The following GRIP1 variants were observed in gnomAD, a reference collection of about 807,000 sequenced individuals.
The protein encoded by GRIP1 is glutamate receptor interacting protein 1.
In GRIP1, 45 loss-of-function variants were observed where a neutral mutation model predicts 129.9. The ratio of observed to expected loss-of-function variants is 0.35; its 90% confidence interval spans 0.27 to 0.44. The LOEUF (loss-of-function observed/expected upper bound fraction) is 0.44. Ranked by LOEUF, GRIP1 falls within the 20% of genes least tolerant of loss-of-function variation. GRIP1 has a pLI of 1.00. For missense variants in GRIP1, 1,196 were observed against 1,396.8 expected, an observed-to-expected ratio of 0.86 and a Z score of 2.29; for synonymous variants, 530 against 520.8, an observed-to-expected ratio of 1.02 and a Z score of -0.24.
chr12:67,050,891 G>A (rs184474525), intron 1 of GRIP1, among the ~76,000 whole-genome samples: 97 of 152,250 alleles, frequency 6.4e-4, no homozygotes, highest in African/African-American at 2.3e-3. Flanking sequence ...AGTTTTCACA[G>A]AACCTAAGGT....
At chr12:66,775,909 T>A (rs2037963943) in intron 1 of GRIP1, among the ~76,000 whole-genome samples, 1 of 152,140 alleles carries the variant, frequency 6.6e-6, no homozygotes, top group Non-Finnish European at 1.5e-5. Context: ...TCAAAACGCT[T>A]AATATGCTTA....
chr12:66,507,294 C>T (rs192720369), intron 7 of GRIP1, among the ~76,000 whole-genome samples: 2 of 151,946 alleles, frequency 1.3e-5, no homozygotes, highest in African/African-American at 2.4e-5. Context: ...AAAAATTAGC[C>T]GGGCATGGTA....
intron 1 of GRIP1, among the ~76,000 whole-genome samples, chr12:66,648,245 T>C (rs939559993): frequency 2.6e-5 from 4 of 152,174 alleles, no homozygotes; most frequent in African/African-American, 9.7e-5. Context: ...CCTGGCCATA[T>C]AGATTGTTAA....
chr12:66,500,042 T>C (rs576101423), intron 7 of GRIP1, among the ~76,000 whole-genome samples: 1 of 152,132 alleles, frequency 6.6e-6, no homozygotes, highest in Admixed American at 6.6e-5. Context: ...AGGAACAATT[T>C]TGAAAGGCTG....
intron 2 of GRIP1, among the ~76,000 whole-genome samples, chr12:66,548,541 T>C (rs1263518228): frequency 6.6e-6 from 1 of 152,122 alleles, no homozygotes; most frequent in Non-Finnish European, 1.5e-5. Flanking sequence ...GAGGGACAGG[T>C]ACTGACTATG....
At chr12:66,827,423 A>G (rs1050179699) in intron 1 of GRIP1, among the ~76,000 whole-genome samples, 2 of 150,430 alleles carry the variant, frequency 1.3e-5, no homozygotes, top group East Asian at 3.9e-4. Flanking sequence ...AGAGCGCACA[A>G]GACAGCGAGA....
chr12:66,676,460 T>A (rs1369695965), intron 1 of GRIP1, among the ~76,000 whole-genome samples: 1 of 152,114 alleles, frequency 6.6e-6, no homozygotes, highest in Non-Finnish European at 1.5e-5. Flanking sequence ...TGGGTAAGGT[T>A]TTAGCCACAA....
At chr12:67,034,370 G>C (rs1288849989) in intron 1 of GRIP1, among the ~76,000 whole-genome samples, 1 of 152,142 alleles carries the variant, frequency 6.6e-6, no homozygotes, top group Non-Finnish European at 1.5e-5. Context: ...ATGCATTGTT[G>C]TGCAAACATC....
intron 1 of GRIP1, among the ~76,000 whole-genome samples, chr12:66,672,356 G>T (rs149193631): frequency 9.2e-5 from 14 of 152,194 alleles, no homozygotes; most frequent in Middle Eastern, 6.8e-3. Flanking sequence ...CCTGAATTTA[G>T]GTGGTCATCA....
At chr12:66,828,742 C>T (rs1015157554) in intron 1 of GRIP1, among the ~76,000 whole-genome samples, 4 of 152,172 alleles carry the variant, frequency 2.6e-5, no homozygotes, top group African/African-American at 9.7e-5. Flanking sequence ...TTCTGAGAGT[C>T]GCACTATACT....
At chr12:66,666,721 A>AT (rs1258688850) in intron 1 of GRIP1, among the ~76,000 whole-genome samples, 1 of 151,874 alleles carries the variant, frequency 6.6e-6, no homozygotes, top group Non-Finnish European at 1.5e-5. Flanking sequence ...TTCTATATAC[A>AT]TTTTTGCTTA....
rs111402190 is a variant in GRIP1, at chr12:66,915,633, C to T, written c.58+153417G>A. Among the ~76,000 whole-genome samples, 479 of 152,312 alleles carry T rather than the reference C, an allele frequency of 3.1e-3. 1 individual carries two copies. The highest frequency in any genetic ancestry group is 0.011 in the African/African-American group (457 of 41,576). On this transcript the variant is annotated intron_variant, in intron 1 of 1. Transcript: ENST00000643019. ...TGGCACAGATCTCCTAACTGTGTAG[C>T]TTTTGCATGTGAGGCTATCTGTTGA... is the stretch of plus-strand genomic sequence containing the variant.
upstream of GRIP1, among the ~76,000 whole-genome samples, chr12:66,804,867 G>A (rs1288877324): frequency 2.0e-5 from 3 of 152,192 alleles, no homozygotes; most frequent in Non-Finnish European, 4.4e-5. Flanking sequence ...CATATGCACA[G>A]CCCTCTTGCT....
chr12:66,607,835 C>A (rs1408955060), intron 1 of GRIP1, among the ~76,000 whole-genome samples: 1 of 152,136 alleles, frequency 6.6e-6, no homozygotes, highest in East Asian at 1.9e-4. Context: ...AACCCACTAG[C>A]CATTATTTCC....
intron 1 of GRIP1, among the ~76,000 whole-genome samples, chr12:66,636,514 T>C (rs529125035): frequency 3.1e-4 from 47 of 152,188 alleles, no homozygotes; most frequent in Non-Finnish European, 5.9e-4. Context: ...TGTTAATTGC[T>C]ATGGAATGAA....
At chr12:66,908,628 T>C (rs2040976642) in intron 1 of GRIP1, among the ~76,000 whole-genome samples, 1 of 152,146 alleles carries the variant, frequency 6.6e-6, no homozygotes, top group Admixed American at 6.5e-5. Flanking sequence ...GGAGTGAGAT[T>C]GGAGTGCATG....
intron 6 of GRIP1, among the ~76,000 whole-genome samples, chr12:66,516,100 G>A (rs2060837019): frequency 6.6e-6 from 1 of 152,086 alleles, no homozygotes; most frequent in South Asian, 2.1e-4. Flanking sequence ...TTGGAGGCCA[G>A]AAAATACTAT....
chr12:66,823,287 G>A (rs1281261527), intron 1 of GRIP1, among the ~76,000 whole-genome samples: 3 of 151,994 alleles, frequency 2.0e-5, no homozygotes, highest in East Asian at 1.9e-4. Flanking sequence ...GTAAAGAACT[G>A]TTTTTTTATA....
intron 1 of GRIP1, among the ~76,000 whole-genome samples, chr12:66,744,222 A>G (rs965494885): frequency 1.3e-5 from 2 of 152,134 alleles, no homozygotes; most frequent in Non-Finnish European, 1.5e-5. Context: ...AATTTAATTT[A>G]TTATACTGTT....
Sources: gnomAD v4.1 joint callset for allele counts (sites outside exome capture counted in the v4.1 genomes callset) on GRCh38, gnomAD v4.1.1 for gene constraint, MANE v1.5 for transcripts, NCBI Gene and HGNC (gene_info 2026-07-23, HGNC 2026-07-21) for gene names.